The following KBTBD3 variants were observed in gnomAD, a reference collection of about 807,000 sequenced individuals.
The protein encoded by KBTBD3 is kelch repeat and BTB domain containing 3.
In KBTBD3, 38 loss-of-function variants were observed where a neutral mutation model predicts 49.6. The observed-to-expected ratio is 0.77, with a 90% confidence interval of 0.59 to 1.00. The LOEUF is 1.00. Among genes scored for constraint, KBTBD3 ranks in the 50% least tolerant of loss-of-function variants. The probability of loss-of-function intolerance (pLI) is 0.00; values close to 1 mark genes in which losing one functional copy is unlikely to be tolerated. For missense variants in KBTBD3, 661 were observed against 712.0 expected, an observed-to-expected ratio of 0.93 and a Z score of 0.81; for synonymous variants, 214 against 250.4, an observed-to-expected ratio of 0.85 and a Z score of 1.37.
rs1168749121 is a variant in KBTBD3 at position 106,076,589 on chromosome 11, C to T, written c.-95G>A. On this transcript the variant is annotated 5_prime_UTR_variant, in exon 2 of 4. Coordinates refer to ENST00000531837, the MANE Select transcript of KBTBD3 (RefSeq NM_198439.3). ...CCCGCAGTACCGCACTTTAATCGACCTCCAGGTAGTCATTTACAGTCATCT... is the reference window on the plus strand; with the variant it reads ...CCCGCAGTACCGCACTTTAATCGACTTCCAGGTAGTCATTTACAGTCATCT... The T allele has an allele frequency of 6.6e-6, 1 of 152,156 alleles. No individual in the cohort carries two copies. The highest frequency in any genetic ancestry group is 1.9e-4 in the East Asian group (1 of 5,184). The allele number at this position is 152,156 out of a possible 1,614,324, so 9.4% of individuals were successfully genotyped here.
intron 2 of KBTBD3, among the ~76,000 whole-genome samples, chr11:106,072,105 C>T (rs781554531): frequency 6.6e-6 from 1 of 152,054 alleles, no homozygotes; most frequent in Non-Finnish European, 1.5e-5. Flanking sequence ...TTTGTCATTA[C>T]ATGTGTATTA....
chr11:106,053,090 G>A lies in KBTBD3; in HGVS notation c.1599C>T (p.Gly533=), dbSNP rs150753567. The A allele has an allele frequency of 4.2e-4, 670 of 1,613,582 alleles. No individual in the cohort carries two copies. Among genetic ancestry groups the A allele is most frequent in the Non-Finnish European group, 5.4e-4 (639 of 1,179,776 alleles). ...SFCPDTCVWK[G]EGSFECAGFN... ...AGCCTGCACACTCAAAAGATCCTTC[G>A]CCTTTCCAAACACAAGTGTCTGGAC... Residue 533 remains glycine (G), a synonymous_variant, in exon 4 of 4, where the codon GGC becomes GGT. Transcript: ENST00000531837.
chr11:106,065,876 G>A (rs893146983), intron 2 of KBTBD3, among the ~76,000 whole-genome samples: 5 of 148,954 alleles, frequency 3.4e-5, no homozygotes, highest in South Asian at 2.1e-4. Flanking sequence ...CAGGAGAATC[G>A]CTTGAACCCA....
At chr11:106,068,344 C>G (rs1325832925) in intron 2 of KBTBD3, among the ~76,000 whole-genome samples, 1 of 152,082 alleles carries the variant, frequency 6.6e-6, no homozygotes, top group African/African-American at 2.4e-5. Context: ...AAAAAGATAA[C>G]ATAAACATCT....
chr11:106,062,442 T>C (rs1860720694), intron 2 of KBTBD3, among the ~76,000 whole-genome samples: 1 of 152,174 alleles, frequency 6.6e-6, no homozygotes, highest in African/African-American at 2.4e-5. Context: ...TCAGTACAAG[T>C]GCAAAGGCCT....
Position 106,053,019 on chromosome 11 carries a change from C to T in KBTBD3, c.1670G>A (p.Gly557Asp). Residue 557 changes from glycine (G) to aspartate (D), a missense_variant, in exon 4 of 4, where the codon GGT becomes GAT. Physicochemically the swap from Gly to Asp is moderately conservative, Grantham distance 94 (BLOSUM62 -1). Coordinates refer to ENST00000531837, the MANE Select transcript of KBTBD3 (RefSeq NM_198439.3). ...IGIEDKIYIL[G>D]GDYAPDEITD... is the part of the protein sequence containing the mutation. Reference sequence around the variant, plus strand: ...GATTTCATCTGGTGCATAATCACCACCTAATATATAAATTTTATCTTCAAT... The same window carrying T: ...GATTTCATCTGGTGCATAATCACCATCTAATATATAAATTTTATCTTCAAT... The T allele has an allele frequency of 6.2e-7, 1 of 1,613,586 alleles. No homozygotes were observed. The highest frequency in any genetic ancestry group is 8.5e-7 in the Non-Finnish European group (1 of 1,179,670).
chr11:106,068,444 T>G (rs755896399), intron 2 of KBTBD3, among the ~76,000 whole-genome samples: 4 of 152,162 alleles, frequency 2.6e-5, no homozygotes, highest in African/African-American at 4.8e-5. Flanking sequence ...TACATTGAAC[T>G]GAAGAAAATC....
At chr11:106,061,162 G>C (rs1033835499) in intron 2 of KBTBD3, among the ~76,000 whole-genome samples, 4 of 152,102 alleles carry the variant, frequency 2.6e-5, no homozygotes, top group Non-Finnish European at 5.9e-5. Context: ...AGAGTGGCTG[G>C]GCTTCTTGCA....
intron 2 of KBTBD3, among the ~76,000 whole-genome samples, chr11:106,065,988 G>C (rs1415538029): frequency 6.6e-6 from 1 of 151,818 alleles, no homozygotes; most frequent in Non-Finnish European, 1.5e-5. Flanking sequence ...AAATCATCAG[G>C]TGGGGCCTAG....
chr11:106,067,618 A>AAG (rs1459311243), intron 2 of KBTBD3, among the ~76,000 whole-genome samples: 2 of 151,960 alleles, frequency 1.3e-5, no homozygotes, highest in Non-Finnish European at 2.9e-5. Context: ...TCAAAAAAAA[A>AAG]AAAGGTCTAT....
In KBTBD3 at chr11:106,059,012, A is replaced by C; in HGVS notation, c.86T>G (p.Leu29Arg). Residue 29 changes from leucine to arginine, a missense_variant, in exon 3 of 4, where the codon CTT becomes CGT. Physicochemically the swap from Leu to Arg is moderately radical, Grantham distance 102. Transcript: ENST00000531837. ...TTTTTGTCCATGATCTTCTGATACA[A>C]GGAAGTTGTTTTTCTTCTCAGATGG... ...GIPSEKKNNF[L>R]VSEDHGQKIL... The C allele has an allele frequency of 6.4e-7, 1 of 1,560,252 alleles. No individual in the cohort carries two copies. The highest frequency in any genetic ancestry group is 1.2e-5 in the South Asian group (1 of 81,430).
intron 3 of KBTBD3, among the ~76,000 whole-genome samples, chr11:106,055,520 T>C (rs916666012): frequency 6.6e-6 from 1 of 152,218 alleles, no homozygotes; most frequent in African/African-American, 2.4e-5. Context: ...TTTAGTAATG[T>C]ATATCAATAG....
At chr11:106,060,887 T>C (rs1423205513) in intron 2 of KBTBD3, among the ~76,000 whole-genome samples, 1 of 152,126 alleles carries the variant, frequency 6.6e-6, no homozygotes, top group African/African-American at 2.4e-5. Context: ...TTTTGCAATC[T>C]ACCCATCTGA....
chr11:106,058,844 G>A lies in KBTBD3; in HGVS notation c.233+21C>T, dbSNP rs116742987. On this transcript the variant is annotated intron_variant, in intron 3 of 3. Coordinates refer to ENST00000531837, the MANE Select transcript of KBTBD3 (RefSeq NM_198439.3). ...TAATTATCCAAATCATAAAATCTGA[G>A]GCATAGACAAGGTAAAGTACCTGAA... 1,026 of 1,352,110 alleles carry A rather than the reference G, an allele frequency of 7.6e-4. 10 individuals carry two copies. The African/African-American group carries it at 0.014, about 18-fold the overall frequency. 83.8% of individuals were successfully genotyped at this position (1,352,110 alleles called of 1,614,324 possible).
chr11:106,059,823 T>C (rs1860646347), intron 2 of KBTBD3, among the ~76,000 whole-genome samples: 1 of 152,106 alleles, frequency 6.6e-6, no homozygotes, highest in Non-Finnish European at 1.5e-5. Context: ...AGTTGCATCA[T>C]CAAAAGCAAG....
rs1393601245 is a variant in KBTBD3, at chr11:106,051,178, T to G, written c.*1672A>C. The stretch of plus-strand genomic sequence containing the variant: ...ATTAACAATTCAGTAAATGCACATA[T>G]AGGCTACTCACTGTGTTATGGTCTT... On this transcript the variant is annotated 3_prime_UTR_variant, in exon 4 of 4. Transcript: ENST00000531837. 1 of 151,928 alleles carries G rather than the reference T, an allele frequency of 6.6e-6. No individual in the cohort carries two copies. The highest frequency in any genetic ancestry group is 2.4e-5 in the African/African-American group (1 of 41,418). 9.4% of individuals were successfully genotyped at this position (151,928 alleles called of 1,614,324 possible).
intron 3 of KBTBD3, among the ~76,000 whole-genome samples, chr11:106,055,176 G>C (rs1029827958): frequency 2.0e-5 from 3 of 152,146 alleles, no homozygotes; most frequent in Non-Finnish European, 4.4e-5. Flanking sequence ...AATAAGTTTT[G>C]TTTTATTGCT....
At chr11:106,062,565 G>A (rs1419128723) in intron 2 of KBTBD3, among the ~76,000 whole-genome samples, 1 of 152,194 alleles carries the variant, frequency 6.6e-6, no homozygotes, top group Non-Finnish European at 1.5e-5. Context: ...ACTGATGTAT[G>A]TCCCAACTCA....
chr11:106,070,278 T>C (rs1860892834), intron 2 of KBTBD3, among the ~76,000 whole-genome samples: 2 of 152,056 alleles, frequency 1.3e-5, no homozygotes, highest in African/African-American at 4.8e-5. Flanking sequence ...ATATTTTTCC[T>C]CTGTGAAAGT....
Sources: gnomAD v4.1 joint callset for allele counts (sites outside exome capture counted in the v4.1 genomes callset) on GRCh38, gnomAD v4.1.1 for gene constraint, MANE v1.5 for transcripts, NCBI Gene and HGNC (gene_info 2026-07-23, HGNC 2026-07-21) for gene names.